CORO2B: variants seen among roughly 807,000 people sequenced by gnomAD.
CORO2B encodes the protein coronin 2B, also known as coronin-2B.
In CORO2B, 26 loss-of-function variants were observed where a neutral mutation model predicts 58.8. The ratio of observed to expected loss-of-function variants is 0.44; its 90% CI spans 0.32 to 0.61. The LOEUF (loss-of-function observed/expected upper bound fraction) is 0.61. CORO2B is among the 20% of genes least tolerant of loss of function. The pLI is 0.04. For missense variants in CORO2B, 460 were observed against 645.1 expected (o/e 0.71, Z 3.11); for synonymous variants, 242 against 253.8 (o/e 0.95, Z 0.44).
intron 1 of CORO2B, among the ~76,000 whole-genome samples, chr15:68,599,006 C>G (rs1458006172): frequency 1.3e-5 from 2 of 152,154 alleles, no homozygotes; most frequent in Non-Finnish European, 2.9e-5. Context: ...AGCCTGTCGC[C>G]CCATCCTTTG....
At chr15:68,594,785 G>A (rs1899786826) in intron 1 of CORO2B, among the ~76,000 whole-genome samples, 1 of 152,158 alleles carries the variant, frequency 6.6e-6, no homozygotes, top group Non-Finnish European at 1.5e-5. Context: ...TCCTGGAGAG[G>A]ACAGAAAGCC....
intron 1 of CORO2B, chr15:68,641,610 G>A (rs1023206560): frequency 5.6e-5 from 55 of 985,250 alleles, no homozygotes; most frequent in Non-Finnish European, 6.6e-5. Context: ...ACTTTGCCGG[G>A]TGGGCTCAGG....
At chr15:68,523,547 C>A in the CORO2B span, among the ~76,000 whole-genome samples, 1 of 152,290 alleles carries the variant, frequency 6.6e-6, no homozygotes, top group Non-Finnish European at 1.5e-5. Flanking sequence ...TCCCAACTAC[C>A]TTTTGTTTAG....
intron 2 of CORO2B, among the ~76,000 whole-genome samples, chr15:68,650,884 G>T (rs750442841): frequency 8.5e-5 from 13 of 152,218 alleles, no homozygotes; most frequent in Non-Finnish European, 1.6e-4. Flanking sequence ...ACTGGGTAAA[G>T]ACGAGGGGCC....
intron 1 of CORO2B, chr15:68,632,253 G>A (rs1442889913): frequency 3.0e-6 from 3 of 985,382 alleles, no homozygotes; most frequent in Non-Finnish European, 3.6e-6. Context: ...CATGGTCTTA[G>A]CTGGCAGCCC....
intron 7 of CORO2B, 67 bp from the exon 8 acceptor site, chr15:68,715,148 T>A: frequency 7.1e-7 from 1 of 1,418,068 alleles, no homozygotes. Flanking sequence ...AGCTGGCTCC[T>A]GGGACCAGGC....
At chr15:68,600,802 C>T (rs1899962057) in intron 1 of CORO2B, among the ~76,000 whole-genome samples, 1 of 152,206 alleles carries the variant, frequency 6.6e-6, no homozygotes. Context: ...GCTTCCTGGC[C>T]CTTGAGCCCC....
intron 1 of CORO2B, among the ~76,000 whole-genome samples, chr15:68,643,790 C>T (rs767679962): frequency 3.9e-5 from 6 of 152,132 alleles, no homozygotes; most frequent in African/African-American, 1.4e-4. Context: ...GTAATCCCAG[C>T]GCTTTGGGAG....
At chr15:68,572,936 G>A in the CORO2B span, among the ~76,000 whole-genome samples, 1 of 152,098 alleles carries the variant, frequency 6.6e-6, no homozygotes. Context: ...CCAGGTCTGC[G>A]GCTCCTTCTC....
chr15:68,573,749 C>T, the CORO2B span, among the ~76,000 whole-genome samples: 4 of 152,132 alleles, frequency 2.6e-5, no homozygotes, highest in East Asian at 1.9e-4. Flanking sequence ...AGCCAGTCCC[C>T]GTCCTCAAGC....
intron 2 of CORO2B, among the ~76,000 whole-genome samples, chr15:68,686,020 GT>G (rs56168498): frequency 0.044 from 4,541 of 103,282 alleles, 155 homozygotes; most frequent in African/African-American, 0.13. Flanking sequence ...TCCTACTTCT[GT>G]TTTTTTTTTT....
intron 2 of CORO2B, among the ~76,000 whole-genome samples, chr15:68,692,356 A>G (rs1567010833): frequency 6.6e-6 from 1 of 152,142 alleles, no homozygotes; most frequent in Non-Finnish European, 1.5e-5. Flanking sequence ...AGGCCAAAGC[A>G]GGCGGATCAC....
chr15:68,529,751 TA>T, the CORO2B span, among the ~76,000 whole-genome samples: 2 of 152,254 alleles, frequency 1.3e-5, no homozygotes, highest in Non-Finnish European at 2.9e-5. Context: ...AGAATATTGA[TA>T]AAAACCTTTT....
intron 2 of CORO2B, among the ~76,000 whole-genome samples, chr15:68,657,354 G>A (rs1025030572): frequency 4.0e-5 from 6 of 151,656 alleles, no homozygotes; most frequent in Non-Finnish European, 8.8e-5. Flanking sequence ...CCATCTCTAC[G>A]AAATACAAAA....
At chr15:68,702,928 G>C (rs1280665666) in intron 3 of CORO2B, among the ~76,000 whole-genome samples, 1 of 140,882 alleles carries the variant, frequency 7.1e-6, no homozygotes, top group Non-Finnish European at 1.5e-5. Flanking sequence ...CTGAGTTCAA[G>C]CGATTCTCAT....
intron 2 of CORO2B, among the ~76,000 whole-genome samples, chr15:68,687,702 C>T (rs1360382168): frequency 1.3e-5 from 2 of 152,316 alleles, no homozygotes; most frequent in Admixed American, 6.5e-5. Flanking sequence ...ATTTGGTTTA[C>T]GGTTCTGGAA....
At chr15:68,592,666 A>AT (rs1881286577) in intron 1 of CORO2B, among the ~76,000 whole-genome samples, 1 of 152,166 alleles carries the variant, frequency 6.6e-6, no homozygotes, top group Admixed American at 6.5e-5. Flanking sequence ...CATTCACTCT[A>AT]TAAATATTTG....
chr15:68,618,014 T>C (rs1900410927), intron 1 of CORO2B, among the ~76,000 whole-genome samples: 1 of 152,140 alleles, frequency 6.6e-6, no homozygotes, highest in South Asian at 2.1e-4. Flanking sequence ...GGGGACAGAG[T>C]TGAACAGAGT....
chr15:68,616,574 T>C (rs1420918067), intron 1 of CORO2B: 32 of 985,476 alleles, frequency 3.2e-5, no homozygotes, highest in Non-Finnish European at 3.9e-5. Flanking sequence ...TGGGCCATTG[T>C]GCAAGTCTTC....
Sources: gnomAD v4.1 joint callset for allele counts (sites outside exome capture counted in the v4.1 genomes callset) on GRCh38, gnomAD v4.1.1 for gene constraint, MANE v1.5 for transcripts, NCBI Gene and HGNC (gene_info 2026-07-23, HGNC 2026-07-21) for gene names.